Variants in USP2 observed in about 807,000 individuals in gnomAD.
The protein encoded by USP2 is ubiquitin carboxyl-terminal hydrolase 2.
Under a neutral mutation model 72.0 loss-of-function variants are expected in USP2, and 33 were observed. The observed-to-expected ratio is 0.46, with a 90% CI of 0.35 to 0.61. The LOEUF (loss-of-function observed/expected upper bound fraction) is 0.61, where lower values mean the gene tolerates loss of function less well. USP2 is among the 20% of genes least tolerant of loss of function. The pLI is 0.01. For synonymous variants in USP2, 296 were observed against 312.5 expected (o/e 0.95, Z 0.56); for missense variants, 691 against 797.8 (o/e 0.87, Z 1.61).
At chr11:119,370,848 C>T (rs1472742813) in intron 2 of USP2, among the ~76,000 whole-genome samples, 2 of 152,116 alleles carry the variant, frequency 1.3e-5, no homozygotes, top group African/African-American at 2.4e-5. Flanking sequence ...TCACCTTGGC[C>T]CTGGAGCCGG....
rs1018671462 is a variant in USP2, at chr11:119,379,020, C to T, written c.-42+2453G>A. On this transcript the variant is annotated intron_variant, in intron 1 of 12. Coordinates refer to ENST00000260187, the MANE Select transcript of USP2 (RefSeq NM_004205.5). ...GCAGCTACTGACCTGTGTCCAGGGG[C>T]ACTGGATGGGAGCTGGGGGCTTCTC... 4.1e-6 allele frequency: 4 copies of T among 985,368 alleles called. No homozygotes were observed. In the African/African-American group the frequency reaches 7.0e-5, roughly 17 times the overall value. The allele number at this position is 985,368 out of a possible 1,614,324, so 61.0% of individuals were successfully genotyped here. A position where few individuals can be genotyped will look rare whatever the true frequency, so the allele number is the denominator to read the frequency against.
Position 119,356,646 on chromosome 11 carries a change from C to A in USP2, c.*189G>T, listed in dbSNP as rs1221243563. On this transcript the variant is annotated 3_prime_UTR_variant, in exon 13 of 13. Coordinates refer to ENST00000260187, the MANE Select transcript of USP2 (RefSeq NM_004205.5). ...CCAGGCGATCTTCCCTGCCGGGCCA[C>A]AGCTCAGGAAAGCCCGGCTCCTTGC... is the stretch of plus-strand genomic sequence containing the variant. 1.0e-5 allele frequency: 6 copies of A among 596,484 alleles called. No individual in the cohort carries two copies. Among genetic ancestry groups the A allele is most frequent in the Non-Finnish European group, 1.4e-5 (5 of 349,994 alleles). The allele number at this position is 596,484 out of a possible 1,614,324, so 36.9% of individuals were successfully genotyped here. A position where few individuals can be genotyped will look rare whatever the true frequency, so the allele number is the denominator to read the frequency against.
At chr11:119,358,687 G>A in intron 7 of USP2, 86 bp downstream of exon 7, 1 of 1,485,532 alleles carries the variant, frequency 6.7e-7, no homozygotes, top group Non-Finnish European at 9.4e-7. Flanking sequence ...GCTTCCCCGG[G>A]AGAGTGATTC....
In USP2 at chr11:119,357,915, G is replaced by A. The variant is rs549539301; in HGVS notation, c.1422+66C>T. 248 of 1,612,812 alleles carry A rather than the reference G, an allele frequency of 1.5e-4. 3 individuals are homozygous for A. In the South Asian group the frequency reaches 2.5e-3, roughly 16 times the overall value. On this transcript the variant is annotated intron_variant, in intron 9 of 12. Transcript: ENST00000260187. ...CAGTCACTCCTCAACTGGATCTGCT[G>A]GTATCAGCCTCTTCCCAGTAGGTCC...
rs759605533 is a variant in USP2 at position 119,363,799 on chromosome 11, G to A, written c.775-3565C>T. ...GTGGCGGGCAGAGGCCAGGGAGAAG[G>A]CGGGACCCCAGGCCCTCGGCGCGGG... On this transcript the variant is annotated intron_variant, in intron 2 of 12. Coordinates refer to ENST00000260187, the MANE Select transcript of USP2 (RefSeq NM_004205.5). The A allele has an allele frequency of 3.6e-5, 48 of 1,341,002 alleles. No homozygotes were observed. In the Middle Eastern group the frequency reaches 1.2e-3, roughly 33 times the overall value. The allele number at this position is 1,341,002 out of a possible 1,614,324, so 83.1% of individuals were successfully genotyped here. A position where few individuals can be genotyped will look rare whatever the true frequency, so the allele number is the denominator to read the frequency against.
At chr11:119,380,000 C>T (rs148081236) in intron 1 of USP2, among the ~76,000 whole-genome samples, 49 of 150,022 alleles carry the variant, frequency 3.3e-4, no homozygotes, top group Non-Finnish European at 2.4e-4. Context: ...CTGCAAGCTC[C>T]GCATCCTGGG....
Position 119,357,066 on chromosome 11 carries a change from A to G in USP2, c.1730+121T>C. 3 of 1,057,092 alleles carry G rather than the reference A, an allele frequency of 2.8e-6. No individual in the cohort carries two copies. In the Admixed American group the frequency reaches 1.0e-4, roughly 36 times the overall value. 65.5% of individuals were successfully genotyped at this position (1,057,092 alleles called of 1,614,324 possible). A position where few individuals can be genotyped will look rare whatever the true frequency, so the allele number is the denominator to read the frequency against. On this transcript the variant is annotated intron_variant, in intron 12 of 12. Coordinates refer to ENST00000260187, the MANE Select transcript of USP2 (RefSeq NM_004205.5). Reference sequence around the variant, plus strand: ...CGGCTTCGTGGCCTTAAACTTTGCCATCCATTCTCGGTGTAAGCCGTGCGG... The same window carrying G: ...CGGCTTCGTGGCCTTAAACTTTGCCGTCCATTCTCGGTGTAAGCCGTGCGG...
At chr11:119,379,406 G>C in intron 1 of USP2, 1 of 744,646 alleles carries the variant, frequency 1.3e-6, no homozygotes, top group Non-Finnish European at 1.6e-6. Context: ...TATGGAGAAA[G>C]TGGATTTTCC....
chr11:119,378,449 A>G (rs898975828), intron 1 of USP2, among the ~76,000 whole-genome samples: 1 of 152,130 alleles, frequency 6.6e-6, no homozygotes, highest in African/African-American at 2.4e-5. Context: ...ATCAGGGGCT[A>G]GCACCCGCTG....
intron 2 of USP2, among the ~76,000 whole-genome samples, chr11:119,365,052 G>A (rs954506032): frequency 2.6e-5 from 4 of 152,202 alleles, no homozygotes; most frequent in Admixed American, 6.5e-5. Context: ...TTTAGATTTC[G>A]TTTCTGATGC....
At chr11:119,376,765 A>C (rs1369358783) in intron 1 of USP2, among the ~76,000 whole-genome samples, 1 of 152,242 alleles carries the variant, frequency 6.6e-6, no homozygotes, top group Non-Finnish European at 1.5e-5. Context: ...TCACCTCTGA[A>C]CCAGGCCCCA....
intron 1 of USP2, among the ~76,000 whole-genome samples, chr11:119,381,031 T>G (rs1356513998): frequency 1.3e-5 from 2 of 152,220 alleles, no homozygotes; most frequent in Non-Finnish European, 2.9e-5. Flanking sequence ...TGCCTCTTTC[T>G]GGTTTGGGAT....
At chr11:119,372,537 G>A (rs906583914) in intron 2 of USP2, among the ~76,000 whole-genome samples, 170 bp downstream of exon 2, 1 of 152,184 alleles carries the variant, frequency 6.6e-6, no homozygotes, top group Non-Finnish European at 1.5e-5. Context: ...CCCTCCCCTC[G>A]GCACGGAGCC....
Position 119,356,546 on chromosome 11 carries a change from T to G in USP2, c.*289A>C. Reference sequence around the variant, plus strand: ...AGGGTCTTCCCCCCCAAGACACAGTTGTTTCTGACACATAGGAAGACCACA... The same window carrying G: ...AGGGTCTTCCCCCCCAAGACACAGTGGTTTCTGACACATAGGAAGACCACA... On this transcript the variant is annotated 3_prime_UTR_variant, in exon 13 of 13. Coordinates refer to ENST00000260187, the MANE Select transcript of USP2 (RefSeq NM_004205.5). 5.7e-6 allele frequency: 2 copies of G among 347,908 alleles called. No homozygotes were observed. The highest frequency in any genetic ancestry group is 6.5e-5 in the South Asian group (1 of 15,466). The allele number at this position is 347,908 out of a possible 1,614,324, so 21.6% of individuals were successfully genotyped here.
At chr11:119,357,097 G>A (rs1401366919) in intron 12 of USP2, 90 bp downstream of exon 12, 7 of 1,207,986 alleles carry the variant, frequency 5.8e-6, no homozygotes, top group Non-Finnish European at 7.7e-6. Flanking sequence ...TGCGGGGGGT[G>A]GGAGGGGGGT....
intron 2 of USP2, among the ~76,000 whole-genome samples, chr11:119,369,278 G>A (rs998982017): frequency 3.7e-4 from 57 of 152,058 alleles, no homozygotes; most frequent in Middle Eastern, 3.4e-3. Flanking sequence ...TTTATGTGGC[G>A]CCCCCTGCCA....
intron 7 of USP2, among the ~76,000 whole-genome samples, 164 bp from the exon 8 acceptor site, chr11:119,358,416 A>G (rs968248393): frequency 6.6e-6 from 1 of 152,024 alleles, no homozygotes; most frequent in African/African-American, 2.4e-5. Flanking sequence ...TCCTGGGTTC[A>G]GTGATTCTCC....
Position 119,357,476 on chromosome 11 carries a change from T to C in USP2, c.1609+7A>G. On this transcript the variant is annotated splice_region_variant and intron_variant, in intron 11 of 12. Transcript: ENST00000260187. ...TCATTCTGCCCTGCCTACTCAAAGA[T>C]ACTCACTGGTGTTTTCTGAGGCAAA... The C allele has an allele frequency of 6.2e-7, 1 of 1,614,126 alleles. No homozygotes were observed. Among genetic ancestry groups the C allele is most frequent in the Admixed American group, 1.7e-5 (1 of 60,016 alleles).
At chr11:119,368,616 A>G (rs1407910041) in intron 2 of USP2, among the ~76,000 whole-genome samples, 2 of 152,254 alleles carry the variant, frequency 1.3e-5, no homozygotes, top group African/African-American at 4.8e-5. Flanking sequence ...AATAGGACCC[A>G]GGTATTCAGT....
Sources: gnomAD v4.1 joint callset for allele counts (sites outside exome capture counted in the v4.1 genomes callset) on GRCh38, gnomAD v4.1.1 for gene constraint, MANE v1.5 for transcripts, NCBI Gene and HGNC (gene_info 2026-07-23, HGNC 2026-07-21) for gene names.